The following ACLY variants were observed in gnomAD, a reference collection of about 807,000 sequenced individuals.
ACLY encodes the protein ATP citrate lyase.
A neutral mutation model predicts 133.0 loss-of-function variants in ACLY; 41 were observed. That is an observed-to-expected ratio of 0.31 (90% CI 0.24 to 0.40). ACLY has a LOEUF of 0.40. Among genes scored for constraint, ACLY ranks in the 10% least tolerant of loss-of-function variants. The pLI, the probability that ACLY is intolerant of heterozygous loss-of-function variation, is 1.00. For missense variants in ACLY, 1,046 were observed against 1,453.8 expected, an observed-to-expected ratio of 0.72 and a Z score of 4.56; for synonymous variants, 495 against 549.3, an observed-to-expected ratio of 0.90 and a Z score of 1.38.
intron 16 of ACLY, among the ~76,000 whole-genome samples, chr17:41,889,290 G>A (rs1436111258): frequency 1.3e-5 from 2 of 151,800 alleles, no homozygotes; most frequent in East Asian, 1.9e-4. Context: ...AGGCCGAGGC[G>A]GTTGGATCAC....
At chr17:41,898,319 G>A (rs1360768819) in intron 12 of ACLY, among the ~76,000 whole-genome samples, 1 of 152,088 alleles carries the variant, frequency 6.6e-6, no homozygotes, top group Non-Finnish European at 1.5e-5. Context: ...CACCATGTTG[G>A]CCAGGCTGGT....
intron 19 of ACLY, 79 bp from the exon 20 acceptor site, chr17:41,883,311 G>A (rs2048968799): frequency 1.6e-6 from 2 of 1,233,376 alleles, no homozygotes; most frequent in Non-Finnish European, 1.2e-6. Context: ...AAAATGGAGT[G>A]ACACGGGCTT....
At chr17:41,887,267 C>T (rs553020799) in intron 17 of ACLY, among the ~76,000 whole-genome samples, 29 of 151,826 alleles carry the variant, frequency 1.9e-4, no homozygotes, top group Admixed American at 8.5e-4. Context: ...GGTGAAATCC[C>T]GTCTCGACTA....
chr17:41,879,662 AAAAAAAAAAAAAAAAAAAAAAAAAAG>A (rs1367190730), intron 20 of ACLY, among the ~76,000 whole-genome samples: 2 of 75,408 alleles, frequency 2.7e-5, no homozygotes, highest in African/African-American at 8.4e-5. Context: ...AAAAAAAAAA[AAAAAAAAAAAAAAAAAAAAAAAAAAG>A]AAGTGCTAAA....
At position 41,892,401 on chromosome 17, in the gene ACLY, T is replaced by C. The variant is rs781869662; in HGVS notation, c.1648A>G (p.Ile550Val). The C allele has an allele frequency of 2.8e-5, 45 of 1,613,754 alleles. No individual in the cohort carries two copies. In the Middle Eastern group the frequency reaches 4.9e-4, roughly 18 times the overall value. ...TCAGCCATGTTCTTGAAGACAGGGA[T>C]CAGGATCTCTTTGTGCCCCCAGTAA... ...KFYWGHKEILIPVFKNMADAM... is the reference protein window; with the variant it reads ...KFYWGHKEILVPVFKNMADAM... The change falls in exon 16 of 29, where the codon ATC becomes GTC. Residue 550 changes from isoleucine to valine, a missense_variant. Around this residue, in one of 4 missense-constraint regions of ACLY, gnomAD observed 575 missense variants for 804.2 expected, o/e 0.71. Coordinates refer to ENST00000352035, the MANE Select transcript of ACLY (RefSeq NM_001096.3).
intron 6 of ACLY, among the ~76,000 whole-genome samples, chr17:41,908,565 A>C (rs1183473087): frequency 2.6e-5 from 4 of 152,228 alleles, no homozygotes; most frequent in African/African-American, 4.8e-5. Context: ...GGAGTTCGAG[A>C]CCAGCCTTGG....
intron 20 of ACLY, among the ~76,000 whole-genome samples, chr17:41,879,715 T>G (rs553938382): frequency 6.9e-6 from 1 of 144,880 alleles, no homozygotes; most frequent in African/African-American, 2.5e-5. Context: ...CTGTGTCTTT[T>G]CTTTCTTTCT....
At chr17:41,928,370 T>C (rs1182307942) in intron 1 of ACLY, among the ~76,000 whole-genome samples, 1 of 152,038 alleles carries the variant, frequency 6.6e-6, no homozygotes, top group Admixed American at 6.6e-5. Context: ...GATCTATTTC[T>C]GTTCCATTAA....
intron 22 of ACLY, among the ~76,000 whole-genome samples, chr17:41,876,164 G>T (rs1197000870): frequency 3.3e-5 from 5 of 150,404 alleles, no homozygotes; most frequent in African/African-American, 1.2e-4. Context: ...GAAGTGAGGA[G>T]CCCCTCCGCC....
Position 41,907,524 on chromosome 17 carries a change from T to A in ACLY, c.665A>T (p.Asp222Val). 6.2e-7 allele frequency: 1 copy of A among 1,613,826 alleles called. No individual in the cohort carries two copies. Among genetic ancestry groups the A allele is most frequent in the Non-Finnish European group, 8.5e-7 (1 of 1,179,914 alleles). ...VYVLDLAAKVDATADYICKVK... is the reference protein window; with the variant it reads ...VYVLDLAAKVVATADYICKVK... Reference sequence around the variant, plus strand: ...TTTGCAGATGTAGTCGGCAGTGGCGTCCACCTTGGCCGCCAAGTCAAGGAC... The same window carrying A: ...TTTGCAGATGTAGTCGGCAGTGGCGACCACCTTGGCCGCCAAGTCAAGGAC... Residue 222 changes from aspartate to valine, a missense_variant, in exon 7 of 29, where the codon GAC becomes GTC. Asp to Val is a radical substitution (Grantham distance 152). Around this residue, in one of 4 missense-constraint regions of ACLY, gnomAD observed 575 missense variants for 804.2 expected, o/e 0.71. Coordinates refer to ENST00000352035, the MANE Select transcript of ACLY (RefSeq NM_001096.3).
At chr17:41,882,461 G>A (rs192170267) in intron 20 of ACLY, among the ~76,000 whole-genome samples, 42 of 144,738 alleles carry the variant, frequency 2.9e-4, no homozygotes, top group African/African-American at 8.3e-4. Flanking sequence ...CCAGGTACCC[G>A]GCTTTTCCTT....
At chr17:41,879,075 C>T (rs1597980024) in intron 20 of ACLY, 151 bp from the exon 21 acceptor site, 3 of 999,992 alleles carry the variant, frequency 3.0e-6, no homozygotes, top group East Asian at 5.4e-5. Flanking sequence ...TTCCATTTTA[C>T]AGACAAGGAA....
chr17:41,929,795 C>T (rs1259198164), intron 1 of ACLY, among the ~76,000 whole-genome samples: 1 of 152,156 alleles, frequency 6.6e-6, no homozygotes, highest in Non-Finnish European at 1.5e-5. Context: ...AGTACAATAA[C>T]ACAACCAGAA....
intron 22 of ACLY, among the ~76,000 whole-genome samples, chr17:41,876,296 G>T (rs1231819300): frequency 1.4e-5 from 2 of 148,032 alleles, no homozygotes; most frequent in Admixed American, 1.3e-4. Flanking sequence ...AGGTGGGGGG[G>T]TCAGCCCCCC....
rs534973591 is a variant in ACLY, at chr17:41,887,754, C to T, written c.1771-51G>A. On this transcript the variant is annotated intron_variant, in intron 16 of 28. Coordinates refer to ENST00000352035, the MANE Select transcript of ACLY (RefSeq NM_001096.3). The stretch of plus-strand genomic sequence containing the variant: ...TGTTAACTCTCTGCCTCAGAAAGGG[C>T]AACAAGACAGCACCGTTTAAGGGCC... The T allele has an allele frequency of 8.4e-5, 126 of 1,507,130 alleles. 1 individual carries two copies. The South Asian group carries it at 1.4e-3, about 17-fold the overall frequency. 93.4% of individuals were successfully genotyped at this position (1,507,130 alleles called of 1,614,324 possible).
intron 9 of ACLY, 99 bp downstream of exon 9, chr17:41,905,423 C>A: frequency 6.6e-7 from 1 of 1,513,810 alleles, no homozygotes; most frequent in Non-Finnish European, 9.1e-7. Flanking sequence ...AAGGACCACA[C>A]ACAGCCTTGG....
intron 17 of ACLY, 138 bp downstream of exon 17, chr17:41,887,461 G>C: frequency 4.3e-6 from 3 of 697,032 alleles, no homozygotes; most frequent in Non-Finnish European, 7.5e-6. Flanking sequence ...AAAATGGACA[G>C]ACTGATTTTC....
intron 1 of ACLY, 116 bp downstream of exon 1, chr17:41,918,764 A>T: frequency 8.3e-7 from 1 of 1,206,708 alleles, no homozygotes; most frequent in Non-Finnish European, 1.1e-6. Context: ...ACTTCCGAGC[A>T]GGGCGCGTGG....
chr17:41,907,696 C>G (rs1225327634), intron 6 of ACLY, 124 bp from the exon 7 acceptor site: 8 of 1,110,666 alleles, frequency 7.2e-6, no homozygotes, highest in Non-Finnish European at 1.0e-5. Flanking sequence ...TCTCTAAGCT[C>G]AGTAAGAAAC....
Sources: gnomAD v4.1 joint callset for allele counts (sites outside exome capture counted in the v4.1 genomes callset) on GRCh38, gnomAD v4.1.1 for gene constraint, gnomAD v4.1.1 regional missense constraint, MANE v1.5 for transcripts, NCBI Gene and HGNC (gene_info 2026-07-23, HGNC 2026-07-21) for gene names.